The following MUC17 variants were observed in gnomAD, a reference collection of about 807,000 sequenced individuals.
MUC17 encodes mucin-17.
MUC17 carries 190 observed loss-of-function variants against 170.3 expected under a neutral mutation model. That is an observed-to-expected ratio of 1.12 (90% CI 0.99 to 1.26). The LOEUF (loss-of-function observed/expected upper bound fraction) is 1.26. Ranked by LOEUF, MUC17 falls within the 50% of genes most tolerant of loss-of-function variation. The pLI is 0.00. For missense variants in MUC17, 6,415 were observed against 5,530.0 expected, an observed-to-expected ratio of 1.16 and a Z score of -5.08; for synonymous variants, 2,325 against 2,002.5, an observed-to-expected ratio of 1.16 and a Z score of -4.30.
At chr7:101,048,696 T>C (rs1794884084) in intron 4 of MUC17, 149 bp from the exon 5 acceptor site, 2 of 676,342 alleles carry the variant, frequency 3.0e-6, no homozygotes, top group Non-Finnish European at 4.9e-6. Flanking sequence ...GAAAAGGAAA[T>C]AAAACAAGAA....
Position 101,041,704 on chromosome 7 carries a change from G to T in MUC17, c.10288G>T (p.Val3430Leu), listed in dbSNP as rs1461046775. ...AACTCCTGTGGACTCCAACACTCTG[G>T]TGACCACTTCTACTGAAGCCAGTTC... The part of the protein sequence containing the change: ...STTPVDSNTL[V>L]TTSTEASSSP... The change falls in exon 3 of 13, where the codon GTG becomes TTG. Residue 3430 changes from valine (V) to leucine (L), a missense_variant. By Grantham distance (32) the Val-to-Leu change is conservative (BLOSUM62 1). Transcript: ENST00000306151. The T allele has an allele frequency of 6.2e-6, 10 of 1,613,570 alleles. 1 individual carries two copies. The highest frequency in any genetic ancestry group is 5.1e-6 in the Non-Finnish European group (6 of 1,179,930).
In MUC17 at chr7:101,040,155, T is replaced by C. The variant is rs767678132; in HGVS notation, c.8739T>C (p.Ala2913=). The C allele has an allele frequency of 3.1e-6, 5 of 1,612,758 alleles. No homozygotes were observed. Among genetic ancestry groups the C allele is most frequent in the South Asian group, 1.1e-5 (1 of 91,020 alleles). ...AAGGCAGTTCTTCTCCTACAACTGCTGAAGGTACCAGCATGCCAATCTCAA... is the reference window on the plus strand; with the variant it reads ...AAGGCAGTTCTTCTCCTACAACTGCCGAAGGTACCAGCATGCCAATCTCAA... ...STEGSSSPTT[A]EGTSMPISTP... Residue 2913 remains alanine (A), a synonymous_variant, in exon 3 of 13, where the codon GCT becomes GCC. Coordinates refer to ENST00000306151, the MANE Select transcript of MUC17 (RefSeq NM_001040105.2).
Position 101,043,520 on chromosome 7 carries a change from A to T in MUC17, c.12104A>T (p.His4035Leu), listed in dbSNP as rs138627912. ...ACGCTTTCTGCAACCAGTACACCTC[A>T]CACCTCTACTTCTGTCACCACCCGT... ...ASTLSATSTPHTSTSVTTRPV... is the reference protein window; with the variant it reads ...ASTLSATSTPLTSTSVTTRPV... The change falls in exon 3 of 13, where the codon CAC becomes CTC. Residue 4035 changes from histidine (H) to leucine (L), a missense_variant. By Grantham distance (99) the His-to-Leu change is moderately conservative (BLOSUM62 -3). Coordinates refer to ENST00000306151, the MANE Select transcript of MUC17 (RefSeq NM_001040105.2). 6.2e-7 allele frequency: 1 copy of T among 1,613,988 alleles called. No individual in the cohort carries two copies. The highest frequency in any genetic ancestry group is 8.5e-7 in the Non-Finnish European group (1 of 1,180,032).
Position 101,048,990 on chromosome 7 carries a change from A to C in MUC17, c.12663+18A>C. 2.5e-6 allele frequency: 4 copies of C among 1,614,066 alleles called. No individual in the cohort carries two copies. The Middle Eastern group carries it at 6.6e-4, about 266-fold the overall frequency. ...CGGAACAGGTAAGTCTGGGAGAGCA[A>C]GGCCCCATAGCTACTCAGTTCCCCC... On this transcript the variant is annotated intron_variant, in intron 5 of 12. Coordinates refer to ENST00000306151, the MANE Select transcript of MUC17 (RefSeq NM_001040105.2).
intron 9 of MUC17, among the ~76,000 whole-genome samples, chr7:101,052,724 G>A (rs1794971688): frequency 6.6e-6 from 1 of 152,114 alleles, no homozygotes; most frequent in Non-Finnish European, 1.5e-5. Flanking sequence ...AAGACCCAGG[G>A]TTGGGCCAAC....
intron 11 of MUC17, among the ~76,000 whole-genome samples, chr7:101,054,581 T>A (rs1584878677): frequency 6.6e-6 from 1 of 151,956 alleles, no homozygotes; most frequent in East Asian, 1.9e-4. Context: ...ACAGTCCCAA[T>A]GCTTTGGGAG....
At position 101,051,909 on chromosome 7, in the gene MUC17, CA is replaced by C. The variant is rs766437450; in HGVS notation, c.13052del (p.Lys4351ArgfsTer12). On this transcript the variant is annotated frameshift_variant, in exon 9 of 13. Transcript: ENST00000306151. LOFTEE classifies it high-confidence loss of function. ...SPCEPGFSVSKNCNLGKCQMS... is the reference protein window; with the variant it reads ...SPCEPGFSVSXNCNLGKCQMS... The stretch of plus-strand genomic sequence containing the variant: ...CCTGTGAGCCTGGCTTCAGTGTCTC[CA>C]AGAACTGTAACCTCGGCAAGTGCCA... 1.2e-5 allele frequency: 19 copies of C among 1,614,064 alleles called. No homozygotes were observed. Among genetic ancestry groups the C allele is most frequent in the Admixed American group, 1.7e-5 (1 of 60,006 alleles).
Position 101,038,129 on chromosome 7 carries a change from G to A in MUC17, c.6713G>A (p.Ser2238Asn), listed in dbSNP as rs1410079062. 1.2e-6 allele frequency: 2 copies of A among 1,608,092 alleles called. No individual in the cohort carries two copies. Among genetic ancestry groups the A allele is most frequent in the Admixed American group, 1.7e-5 (1 of 59,060 alleles). The change falls in exon 3 of 13, where the codon AGC (serine) becomes AAC (asparagine). Residue 2238 changes from serine to asparagine, a missense_variant. Physicochemically the swap from Ser to Asn is conservative, Grantham distance 46. Transcript: ENST00000306151. ...ATGCCGGTAGTTACTTCTGAGGCTA[G>A]CACCCTTTCAGCAACTCCTGTTGAC... Reference protein sequence around the residue: ...STMPVVTSEASTLSATPVDTS... With the variant: ...STMPVVTSEANTLSATPVDTS...
chr7:101,039,710 G>A lies in MUC17; in HGVS notation c.8294G>A (p.Ser2765Asn). The A allele has an allele frequency of 2.5e-6, 4 of 1,612,760 alleles. No homozygotes were observed. Among genetic ancestry groups the A allele is most frequent in the African/African-American group, 1.3e-5 (1 of 74,856 alleles). The change falls in exon 3 of 13, where the codon AGT (serine) becomes AAT (asparagine). Residue 2765 changes from serine to asparagine, a missense_variant. By Grantham distance (46) the Ser-to-Asn change is conservative. Coordinates refer to ENST00000306151, the MANE Select transcript of MUC17 (RefSeq NM_001040105.2). Reference protein sequence around the residue: ...SILVSTLPVASSEASTVSTTA... With the variant: ...SILVSTLPVANSEASTVSTTA... ...CTTGTCAGCACCCTGCCAGTGGCCA[G>A]TTCTGAGGCTAGCACCGTTTCAACA...
At chr7:101,051,454 G>T (rs1446752421) in intron 7 of MUC17, among the ~76,000 whole-genome samples, 159 bp from the exon 8 acceptor site, 3 of 151,880 alleles carry the variant, frequency 2.0e-5, no homozygotes, top group Non-Finnish European at 4.4e-5. Flanking sequence ...ACACTTGGAG[G>T]GTCACTGGAC....
Position 101,033,249 on chromosome 7 carries a change from T to G in MUC17, c.1833T>G (p.Ser611=), listed in dbSNP as rs778172982. The G allele has an allele frequency of 2.5e-6, 4 of 1,614,004 alleles. No homozygotes were observed. The highest frequency in any genetic ancestry group is 2.7e-5 in the African/African-American group (2 of 74,892). ...CTTCTAGTGAAGCTAGTTCATCTTC[T>G]ACAACTGCTGAAGGTACCAGCATGC... is the stretch of plus-strand genomic sequence containing the variant. ...VTTSSEASSS[S]TTAEGTSMPT... Residue 611 remains serine, a synonymous_variant, in exon 3 of 13, where the codon TCT becomes TCG. Transcript: ENST00000306151.
chr7:101,050,478 C>T lies in MUC17; in HGVS notation c.12723-6C>T. The T allele has an allele frequency of 1.2e-6, 2 of 1,612,720 alleles. No homozygotes were observed. Among genetic ancestry groups the T allele is most frequent in the Non-Finnish European group, 1.7e-6 (2 of 1,179,222 alleles). ...GACCCCAGGACGTCTTCCCTTCCCT[C>T]TTCAGTCTTGGCAGTGTGGTGGTGG... On this transcript the variant is annotated splice_region_variant and splice_polypyrimidine_tract_variant and intron_variant, in intron 6 of 12. Transcript: ENST00000306151.
At position 101,050,483 on chromosome 7, in the gene MUC17, G is replaced by C; in HGVS notation, c.12723-1G>C. 1 of 1,612,802 alleles carries C rather than the reference G, an allele frequency of 6.2e-7. No homozygotes were observed. Among genetic ancestry groups the C allele is most frequent in the African/African-American group, 1.3e-5 (1 of 75,008 alleles). On this transcript the variant is annotated splice_acceptor_variant, in intron 6 of 12. Transcript: ENST00000306151. LOFTEE classifies it high-confidence loss of function. Reference sequence around the variant, plus strand: ...CAGGACGTCTTCCCTTCCCTCTTCAGTCTTGGCAGTGTGGTGGTGGAGCAT... The same window carrying C: ...CAGGACGTCTTCCCTTCCCTCTTCACTCTTGGCAGTGTGGTGGTGGAGCAT...
rs140333451 is a variant in MUC17 at position 101,033,432 on chromosome 7, T to C, written c.2016T>C (p.Thr672=). ...CTGAAGCCACTTCATCTTCTACAACTGCGGAAGGTACCAGCATGCCAACCT... is the reference window on the plus strand; with the variant it reads ...CTGAAGCCACTTCATCTTCTACAACCGCGGAAGGTACCAGCATGCCAACCT... The part of the protein sequence containing the change: ...TSTEATSSST[T]AEGTSMPTST... The change falls in exon 3 of 13, where the codon ACT becomes ACC. Residue 672 remains threonine, a synonymous_variant. Coordinates refer to ENST00000306151, the MANE Select transcript of MUC17 (RefSeq NM_001040105.2). 2.4e-5 allele frequency: 38 copies of C among 1,613,154 alleles called. No homozygotes were observed. The African/African-American group carries it at 3.5e-4, about 15-fold the overall frequency.
rs200081448 is a variant in MUC17, at chr7:101,037,013, G to A, written c.5597G>A (p.Ser1866Asn). 4 of 1,445,882 alleles carry A rather than the reference G, an allele frequency of 2.8e-6. No homozygotes were observed. Among genetic ancestry groups the A allele is most frequent in the African/African-American group, 3.9e-5 (2 of 51,324 alleles). 89.6% of individuals were successfully genotyped at this position (1,445,882 alleles called of 1,614,324 possible). A position where few individuals can be genotyped will look rare whatever the true frequency, so the allele number is the denominator to read the frequency against. Residue 1866 changes from serine (S) to asparagine (N), a missense_variant, in exon 3 of 13, where the codon AGC becomes AAC. Transcript: ENST00000306151. Reference sequence around the variant, plus strand: ...GCAACCTCAACGCCTAGTGAAGGAAGCACTGCATTAACAAGTATACCTGTC... The same window carrying A: ...GCAACCTCAACGCCTAGTGAAGGAAACACTGCATTAACAAGTATACCTGTC... ...SIATSTPSEG[S>N]TALTSIPVST...
chr7:101,032,909 T>C lies in MUC17; in HGVS notation c.1493T>C (p.Val498Ala), dbSNP rs878859189. The C allele has an allele frequency of 1.3e-6, 2 of 1,591,996 alleles. No individual in the cohort carries two copies. The highest frequency in any genetic ancestry group is 1.5e-5 in the African/African-American group (1 of 67,996). ...AGTTCATCTCCTCCAACTGCTGAAG[T>C]TAACAGCATGCCAACCTCAACTCCT... ...EASSSPPTAEVNSMPTSTPSE... is the reference protein window; with the variant it reads ...EASSSPPTAEANSMPTSTPSE... Residue 498 changes from valine (V) to alanine (A), a missense_variant, in exon 3 of 13, where the codon GTT becomes GCT. By Grantham distance (64) the Val-to-Ala change is moderately conservative (BLOSUM62 0). Transcript: ENST00000306151.
Position 101,031,583 on chromosome 7 carries a change from T to C in MUC17, c.185-18T>C, listed in dbSNP as rs370245050. ...CCCTAAGAAACTTCTAAACAAAATA[T>C]CATTGTATCTTAAACAGGTTCTGCG... On this transcript the variant is annotated intron_variant, in intron 2 of 12. Transcript: ENST00000306151. 28 of 1,514,522 alleles carry C rather than the reference T, an allele frequency of 1.8e-5. No homozygotes were observed. The highest frequency in any genetic ancestry group is 2.4e-5 in the Non-Finnish European group (27 of 1,133,312). 93.8% of individuals were successfully genotyped at this position (1,514,522 alleles called of 1,614,324 possible).
At position 101,035,964 on chromosome 7, in the gene MUC17, A is replaced by G. The variant is rs368847279; in HGVS notation, c.4548A>G (p.Leu1516=). 79 of 1,612,804 alleles carry G rather than the reference A, an allele frequency of 4.9e-5. No individual in the cohort carries two copies. Among genetic ancestry groups the G allele is most frequent in the Middle Eastern group, 1.6e-4 (1 of 6,078 alleles). The change falls in exon 3 of 13, where the codon TTA becomes TTG. Residue 1516 remains leucine, a synonymous_variant. Coordinates refer to ENST00000306151, the MANE Select transcript of MUC17 (RefSeq NM_001040105.2). ...ISTPSEGSTA[L]TSIPVSTTTV... ...CGCCTAGTGAAGGAAGCACTGCATT[A>G]ACAAGTATACCTGTCAGCACCACAA...
intron 1 of MUC17, among the ~76,000 whole-genome samples, chr7:101,030,898 T>C (rs115812048): frequency 6.6e-6 from 1 of 152,196 alleles, no homozygotes; most frequent in Non-Finnish European, 1.5e-5. Flanking sequence ...CCTGCACAAT[T>C]TGACATTGCT....
Sources: allele counts gnomAD v4.1 joint callset (sites outside exome capture counted in the v4.1 genomes callset), GRCh38; gene constraint gnomAD v4.1.1; transcripts MANE v1.5; gene names NCBI Gene and HGNC (gene_info 2026-07-23, HGNC 2026-07-21).